ITPKA: variants seen among roughly 807,000 people sequenced by gnomAD.
ITPKA encodes the protein IP3 3-kinase A.
In ITPKA, 16 loss-of-function variants were observed where a neutral mutation model predicts 40.7. The observed-to-expected ratio is 0.39, with a 90% CI of 0.27 to 0.60. ITPKA has a LOEUF of 0.60. Ranked by LOEUF, ITPKA falls within the 20% of genes least tolerant of loss-of-function variation. ITPKA has a pLI of 0.50. For synonymous variants in ITPKA, 313 were observed against 289.9 expected, an observed-to-expected ratio of 1.08 and a Z score of -0.81; for missense variants, 540 against 649.3, an observed-to-expected ratio of 0.83 and a Z score of 1.83.
intron 1 of ITPKA, among the ~76,000 whole-genome samples, chr15:41,495,376 C>CT (rs2051063457): frequency 6.6e-6 from 1 of 152,232 alleles, no homozygotes; most frequent in Admixed American, 6.5e-5. Flanking sequence ...CGTCTGGGGC[C>CT]TGCCCATAAG....
In ITPKA at chr15:41,503,547, C is replaced by A; in HGVS notation, c.*381C>A. ...TCCCCTTCCTAATAAAACTCAAAGA[C>A]AAGATGCAGCTTCCTGTGCCTCAGG... On this transcript the variant is annotated 3_prime_UTR_variant, in exon 7 of 7. Transcript: ENST00000260386. 1.7e-6 allele frequency: 1 copy of A among 573,830 alleles called. No homozygotes were observed. The highest frequency in any genetic ancestry group is 3.4e-6 in the Non-Finnish European group (1 of 296,598). The allele number at this position is 573,830 out of a possible 1,614,324, so 35.5% of individuals were successfully genotyped here. A position where few individuals can be genotyped will look rare whatever the true frequency, so the allele number is the denominator to read the frequency against.
In ITPKA at chr15:41,494,753, C is replaced by T. The variant is rs1254680849; in HGVS notation, c.489+337C>T. Among the ~76,000 whole-genome samples the T allele has an allele frequency of 2.0e-5, 3 of 152,226 alleles. No homozygotes were observed. The South Asian group carries it at 6.2e-4, about 31-fold the overall frequency. On this transcript the variant is annotated intron_variant, in intron 1 of 6. Transcript: ENST00000260386. The surrounding 1 kb of genome is among the most constrained non-coding windows in gnomAD (Gnocchi z 7.8). Reference sequence around the variant, plus strand: ...ACAGGAGGGATCGGAGGGGCTGAGCCTTGCCGGGTGAACCCTCGGAAGGAG... The same window carrying T: ...ACAGGAGGGATCGGAGGGGCTGAGCTTTGCCGGGTGAACCCTCGGAAGGAG...
At position 41,503,264 on chromosome 15, in the gene ITPKA, C is replaced by A; in HGVS notation, c.*98C>A. 1 of 895,354 alleles carries A rather than the reference C, an allele frequency of 1.1e-6. No homozygotes were observed. Among genetic ancestry groups the A allele is most frequent in the Non-Finnish European group, 1.7e-6 (1 of 600,022 alleles). 55.5% of individuals were successfully genotyped at this position (895,354 alleles called of 1,614,324 possible). On this transcript the variant is annotated 3_prime_UTR_variant, in exon 7 of 7. Transcript: ENST00000260386. ...GGCTTGAGACTGGAGCCCCGCGGTG[C>A]AGGGCAGTTCACCGGGTCCTGCAGG...
At chr15:41,502,761 C>T (rs775995865) in intron 5 of ITPKA, 27 bp from the exon 6 acceptor site, 20 of 1,576,958 alleles carry the variant, frequency 1.3e-5, no homozygotes, top group African/African-American at 4.1e-5. Flanking sequence ...GTTAATTTGC[C>T]CTCCTCTCCC....
rs747341736 is a variant in ITPKA, at chr15:41,503,140, A to C, written c.1360A>C (p.Ile454Leu). The C allele has an allele frequency of 6.3e-7, 1 of 1,591,710 alleles. No individual in the cohort carries two copies. The highest frequency in any genetic ancestry group is 1.3e-5 in the African/African-American group (1 of 74,510). ...GCTGGGGCTGGACAATCTCATTGGC[A>C]TCCTGGCCAGCCTGGCTGAGAGATG... ...YLLGLDNLIG[I>L]LASLAER The change falls in exon 7 of 7, where the codon ATC becomes CTC. Residue 454 changes from isoleucine to leucine, a missense_variant. Coordinates refer to ENST00000260386, the MANE Select transcript of ITPKA (RefSeq NM_002220.3).
rs1339172553 is a variant in ITPKA, at chr15:41,494,170, G to T, written c.243G>T (p.Gln81His). 6.6e-7 allele frequency: 1 copy of T among 1,513,134 alleles called. No individual in the cohort carries two copies. The highest frequency in any genetic ancestry group is 1.2e-5 in the South Asian group (1 of 81,116). The allele number at this position is 1,513,134 out of a possible 1,614,324, so 93.7% of individuals were successfully genotyped here. The change falls in exon 1 of 7, where the codon CAG becomes CAT. Residue 81 changes from glutamine to histidine, a missense_variant. Transcript: ENST00000260386. This position sits in a 1 kb window ranked among gnomAD's most constrained non-coding sequence, Gnocchi z 7.8. ...PRAPPAPVIP[Q>H]LTVTAEEPDV... is the part of the protein sequence containing the mutation. ...CTCCCCCGGCCCCGGTGATCCCTCA[G>T]CTGACCGTGACAGCCGAGGAGCCCG...
chr15:41,501,410 G>C (rs2051109092), intron 1 of ITPKA, 53 bp from the exon 2 acceptor site: 6 of 1,557,514 alleles, frequency 3.9e-6, no homozygotes, highest in Non-Finnish European at 5.2e-6. Context: ...TGGAGGGAGG[G>C]CTTATGCATT....
Position 41,501,992 on chromosome 15 carries a change from C to G in ITPKA, c.804-5C>G. ...ATGCCCTGGCCGCTGCCTGCGCCCC[C>G]ACAGGACTTACCTAGAGGAGGAGCT... is the stretch of plus-strand genomic sequence containing the variant. On this transcript the variant is annotated splice_region_variant and splice_polypyrimidine_tract_variant and intron_variant, in intron 3 of 6. Transcript: ENST00000260386. The G allele has an allele frequency of 6.2e-7, 1 of 1,612,112 alleles. No homozygotes were observed. Among genetic ancestry groups the G allele is most frequent in the South Asian group, 1.1e-5 (1 of 90,982 alleles).
chr15:41,495,605 C>T (rs746848611), intron 1 of ITPKA, among the ~76,000 whole-genome samples: 1 of 152,218 alleles, frequency 6.6e-6, no homozygotes, highest in Non-Finnish European at 1.5e-5. Flanking sequence ...ACTAGCCTGC[C>T]GCTTCCCCTT....
intron 1 of ITPKA, among the ~76,000 whole-genome samples, chr15:41,495,031 G>C (rs1037048075): frequency 6.6e-6 from 1 of 152,222 alleles, no homozygotes; most frequent in Non-Finnish European, 1.5e-5. Flanking sequence ...CCATCTTCCC[G>C]GCTCGCCGCT....
chr15:41,495,287 C>T (rs763781921), intron 1 of ITPKA, among the ~76,000 whole-genome samples: 2 of 152,238 alleles, frequency 1.3e-5, no homozygotes, highest in Non-Finnish European at 1.5e-5. Context: ...GTGGTCAGCG[C>T]GAAGGACTTT....
chr15:41,500,267 T>C (rs1383167157), intron 1 of ITPKA, among the ~76,000 whole-genome samples: 4 of 152,208 alleles, frequency 2.6e-5, no homozygotes, highest in African/African-American at 9.6e-5. Flanking sequence ...CCCGGCATCT[T>C]ATTTTCATGG....
chr15:41,501,955 G>A lies in ITPKA; in HGVS notation c.804-42G>A, dbSNP rs765033449. 2.5e-6 allele frequency: 4 copies of A among 1,594,514 alleles called. No homozygotes were observed. The South Asian group carries it at 3.3e-5, about 13-fold the overall frequency. On this transcript the variant is annotated intron_variant, in intron 3 of 6. Transcript: ENST00000260386. ...GGCGAGTGCTCGAAGGGGTCTCCGT[G>A]TGCGCCCCCTCATGCCCTGGCCGCT...
chr15:41,502,243 G>A (rs2051119483), intron 4 of ITPKA, 42 bp downstream of exon 4: 2 of 1,537,082 alleles, frequency 1.3e-6, no homozygotes, highest in Non-Finnish European at 1.8e-6. Flanking sequence ...CAGCCCCACT[G>A]CGCGCTGTCT....
At chr15:41,497,369 C>G (rs1406381408) in intron 1 of ITPKA, among the ~76,000 whole-genome samples, 1 of 152,170 alleles carries the variant, frequency 6.6e-6, no homozygotes, top group Non-Finnish European at 1.5e-5. Flanking sequence ...GCTGGGATTA[C>G]AGGCACCTAC....
chr15:41,494,000 C>T lies in ITPKA; in HGVS notation c.73C>T (p.Arg25Trp), dbSNP rs1471342827. ...GARPCSPGLE[R>W]APRRSVGELR... is the part of the protein sequence containing the mutation. ...GAGGCCCTGCAGCCCGGGGCTGGAG[C>T]GGGCCCCGCGCCGGAGTGTCGGGGA... Residue 25 changes from arginine to tryptophan, a missense_variant, in exon 1 of 7, where the codon CGG becomes TGG. By Grantham distance (101) the Arg-to-Trp change is moderately radical. Transcript: ENST00000260386. The T allele has an allele frequency of 1.8e-5, 21 of 1,155,172 alleles. No homozygotes were observed. The highest frequency in any genetic ancestry group is 4.9e-5 in the African/African-American group (3 of 61,346). 71.6% of individuals were successfully genotyped at this position (1,155,172 alleles called of 1,614,324 possible).
chr15:41,496,768 C>A (rs2051075555), intron 1 of ITPKA, among the ~76,000 whole-genome samples: 1 of 152,168 alleles, frequency 6.6e-6, no homozygotes, highest in Non-Finnish European at 1.5e-5. Flanking sequence ...CCTTTTTAAA[C>A]AGCTAATGCC....
At chr15:41,500,883 C>T (rs1030810298) in intron 1 of ITPKA, among the ~76,000 whole-genome samples, 1 of 151,866 alleles carries the variant, frequency 6.6e-6, no homozygotes, top group African/African-American at 2.4e-5. Context: ...GTGGTGTGCA[C>T]CTGTAGTCTC....
Position 41,494,375 on chromosome 15 carries a change from C to G in ITPKA, c.448C>G (p.Arg150Gly), listed in dbSNP as rs2051055072. 1 of 1,498,162 alleles carries G rather than the reference C, an allele frequency of 6.7e-7. No homozygotes were observed. The highest frequency in any genetic ancestry group is 8.9e-7 in the Non-Finnish European group (1 of 1,127,520). 92.8% of individuals were successfully genotyped at this position (1,498,162 alleles called of 1,614,324 possible). A position where few individuals can be genotyped will look rare whatever the true frequency, so the allele number is the denominator to read the frequency against. ...GCTGAGCGACAGTGAGAGCCGGAGC[C>G]GCGGCAACGTGCAGCTGGAAGCGGG... is the stretch of plus-strand genomic sequence containing the variant. ...DLLSDSESRS[R>G]GNVQLEAGED... Residue 150 changes from arginine (R) to glycine (G), a missense_variant, in exon 1 of 7, where the codon CGC (arginine) becomes GGC (glycine). Physicochemically the swap from Arg to Gly is moderately radical, Grantham distance 125 (BLOSUM62 -2). Transcript: ENST00000260386. The surrounding 1 kb of genome is among the most constrained non-coding windows in gnomAD (Gnocchi z 7.8).
Sources: gnomAD v4.1 joint callset for allele counts (sites outside exome capture counted in the v4.1 genomes callset) on GRCh38, gnomAD v4.1.1 for gene constraint, Gnocchi (gnomAD v3.1) non-coding constraint, MANE v1.5 for transcripts, NCBI Gene and HGNC (gene_info 2026-07-23, HGNC 2026-07-21) for gene names.